The following FARP1 variants were observed in gnomAD, a reference collection of about 807,000 sequenced individuals.
The protein encoded by FARP1 is FERM, ARH/RhoGEF and pleckstrin domain protein 1.
A neutral mutation model predicts 128.8 loss-of-function variants in FARP1; 52 were observed. The observed-to-expected ratio is 0.40, with a 90% CI of 0.32 to 0.51. FARP1 has a LOEUF of 0.51. Among genes scored for constraint, FARP1 ranks in the 20% least tolerant of loss-of-function variants. FARP1 has a pLI of 0.45. For missense variants in FARP1, 1,333 were observed against 1,367.9 expected (o/e 0.97, Z 0.40); for synonymous variants, 580 against 551.8 (o/e 1.05, Z -0.72).
At chr13:98,239,084 T>C in intron 2 of FARP1, among the ~76,000 whole-genome samples, 1 of 152,312 alleles carries the variant, frequency 6.6e-6, no homozygotes, top group African/African-American at 2.4e-5. Flanking sequence ...TCCTTATGGG[T>C]TAATGTATCT....
At chr13:98,371,871 C>T (rs1488771840) in intron 5 of FARP1, among the ~76,000 whole-genome samples, 1 of 152,126 alleles carries the variant, frequency 6.6e-6, no homozygotes, top group Non-Finnish European at 1.5e-5. Context: ...AGGAATAGCT[C>T]TTTCAGCTTC....
chr13:98,215,758 G>A (rs555930266), intron 2 of FARP1, among the ~76,000 whole-genome samples: 4 of 151,558 alleles, frequency 2.6e-5, no homozygotes, highest in Admixed American at 6.6e-5. Flanking sequence ...GCCATTGTTC[G>A]TTTTCACATG....
chr13:98,443,173 C>T (rs368926266), intron 24 of FARP1, among the ~76,000 whole-genome samples: 38 of 152,350 alleles, frequency 2.5e-4, no homozygotes, highest in African/African-American at 8.4e-4. Flanking sequence ...TACATAATGT[C>T]TTCAGTTTTG....
At position 98,264,822 on chromosome 13, in the gene FARP1, C is replaced by T. The variant is rs73556863; in HGVS notation, c.171+51409C>T. On this transcript the variant is annotated intron_variant, in intron 2 of 26. Transcript: ENST00000319562. ...TAGTAATAATAAGAATTACTAATAT[C>T]GAATAGAATTACTATTCGATAGTAA... Among the ~76,000 whole-genome samples, 563 of 152,132 alleles carry T rather than the reference C, an allele frequency of 3.7e-3. 3 individuals are homozygous for T. The highest frequency in any genetic ancestry group is 0.013 in the African/African-American group (530 of 41,522).
intron 1 of FARP1, among the ~76,000 whole-genome samples, chr13:98,211,323 A>G (rs549381172): frequency 8.5e-5 from 13 of 152,320 alleles, no homozygotes; most frequent in African/African-American, 3.1e-4. Flanking sequence ...AGATTCTCAT[A>G]GGAGCACAGA....
At chr13:98,366,469 G>A (rs1050955942) in intron 4 of FARP1, among the ~76,000 whole-genome samples, 2 of 152,190 alleles carry the variant, frequency 1.3e-5, no homozygotes, top group Non-Finnish European at 2.9e-5. Context: ...CAGCCTCATG[G>A]GCCCAGGTAG....
intron 2 of FARP1, among the ~76,000 whole-genome samples, chr13:98,273,374 T>G (rs1484941052): frequency 1.3e-5 from 2 of 152,180 alleles, no homozygotes; most frequent in Non-Finnish European, 2.9e-5. Context: ...GAGTCTGTTT[T>G]GCGAATCTTA....
chr13:98,144,427 C>T (rs1328692571), intron 1 of FARP1, among the ~76,000 whole-genome samples: 1 of 152,176 alleles, frequency 6.6e-6, no homozygotes, highest in Non-Finnish European at 1.5e-5. Context: ...AACAGTTTAG[C>T]AGCCTCGGCC....
intron 3 of FARP1, among the ~76,000 whole-genome samples, chr13:98,361,500 A>G (rs1465485828): frequency 6.6e-6 from 1 of 152,214 alleles, no homozygotes; most frequent in Non-Finnish European, 1.5e-5. Flanking sequence ...AGTTTGCAGA[A>G]GTTTAGGCTG....
At chr13:98,274,759 C>G (rs1884555347) in intron 2 of FARP1, among the ~76,000 whole-genome samples, 1 of 152,166 alleles carries the variant, frequency 6.6e-6, no homozygotes, top group Admixed American at 6.5e-5. Context: ...CGATTACTAA[C>G]CAGCTCCCAA....
At chr13:98,406,476 C>CCTTT (rs1359282575) in intron 13 of FARP1, 1 of 152,194 alleles carries the variant, frequency 6.6e-6, no homozygotes, top group Non-Finnish European at 1.5e-5. Flanking sequence ...CACCCATTGC[C>CCTTT]CTTTCTTTCT....
chr13:98,217,696 G>C (rs907386407), intron 2 of FARP1, among the ~76,000 whole-genome samples: 3 of 152,170 alleles, frequency 2.0e-5, no homozygotes, highest in Admixed American at 6.5e-5. Context: ...TCGGCGGTTT[G>C]TTTTCTGCAT....
chr13:98,212,738 G>A (rs1335144722), intron 1 of FARP1, among the ~76,000 whole-genome samples: 2 of 152,158 alleles, frequency 1.3e-5, no homozygotes, highest in Non-Finnish European at 2.9e-5. Context: ...ATGTCTGCGA[G>A]TGTATGTCTA....
chr13:98,211,144 A>G (rs1225235493), intron 1 of FARP1, among the ~76,000 whole-genome samples: 1 of 152,118 alleles, frequency 6.6e-6, no homozygotes, highest in African/African-American at 2.4e-5. Flanking sequence ...GGTAAAGACC[A>G]TATTTTTCAG....
chr13:98,289,405 A>C (rs906398370), intron 2 of FARP1, among the ~76,000 whole-genome samples: 8 of 152,196 alleles, frequency 5.3e-5, no homozygotes, highest in African/African-American at 1.7e-4. Context: ...ACTCAACATG[A>C]ATGGCCGTAA....
intron 2 of FARP1, among the ~76,000 whole-genome samples, chr13:98,307,915 C>A (rs1289043183): frequency 2.0e-5 from 3 of 152,102 alleles, no homozygotes; most frequent in Non-Finnish European, 4.4e-5. Flanking sequence ...TAGCAAGGCA[C>A]GCAAGATCGT....
At chr13:98,267,511 G>C (rs1884180114) in intron 2 of FARP1, among the ~76,000 whole-genome samples, 1 of 152,180 alleles carries the variant, frequency 6.6e-6, no homozygotes, top group Non-Finnish European at 1.5e-5. Flanking sequence ...TCCCAAGGTT[G>C]GACTCTCGGC....
intron 2 of FARP1, among the ~76,000 whole-genome samples, chr13:98,318,950 G>GTTTTTTT (rs56166470): frequency 9.3e-4 from 112 of 120,608 alleles, no homozygotes; most frequent in African/African-American, 1.9e-3. Flanking sequence ...GTTTTTTCTT[G>GTTTTTTT]TTTTTTTTTT....
chr13:98,399,866 T>A (rs1156698367), intron 13 of FARP1: 4 of 152,206 alleles, frequency 2.6e-5, no homozygotes, highest in Non-Finnish European at 5.9e-5. Flanking sequence ...CTGCCGCTTG[T>A]TAAGGGCAAA....
Sources: allele counts gnomAD v4.1 joint callset (sites outside exome capture counted in the v4.1 genomes callset), GRCh38; gene constraint gnomAD v4.1.1; transcripts MANE v1.5; gene names NCBI Gene and HGNC (gene_info 2026-07-23, HGNC 2026-07-21).